Variants in SPRY4 observed in about 807,000 individuals in gnomAD.
SPRY4 encodes the protein sprouty RTK signaling antagonist 4.
In SPRY4, 7 loss-of-function variants were observed where a neutral mutation model predicts 17.0. The observed-to-expected ratio is 0.41, with a 90% CI of 0.23 to 0.77. The LOEUF is 0.77. SPRY4 is among the 30% of genes least tolerant of loss of function. The probability of loss-of-function intolerance (pLI) is 0.32; values close to 1 mark genes in which losing one functional copy is unlikely to be tolerated. For synonymous variants in SPRY4, 183 were observed against 174.1 expected (o/e 1.05, Z -0.40); for missense variants, 435 against 419.9 (o/e 1.04, Z -0.31).
chr5:142,310,488 TCA>T lies in SPRY4; in HGVS notation c.*3719_*3720del, dbSNP rs1355207028. 11 of 152,544 alleles carry T rather than the reference TCA, an allele frequency of 7.2e-5. No homozygotes were observed. Among genetic ancestry groups the T allele is most frequent in the East Asian group, 3.8e-4 (2 of 5,200 alleles). 9.4% of individuals were successfully genotyped at this position (152,544 alleles called of 1,614,324 possible). ...ATATATATTTTCTAAATCAGTACAT[TCA>T]GTTTTTAACTTGTTTTTTTCTTCAC... On this transcript the variant is annotated 3_prime_UTR_variant, in exon 2 of 2. Coordinates refer to ENST00000434127, the MANE Select transcript of SPRY4 (RefSeq NM_001127496.3).
Position 142,314,343 on chromosome 5 carries a change from C to T in SPRY4, c.766G>A (p.Gly256Ser), listed in dbSNP as rs749933707. The T allele has an allele frequency of 9.9e-6, 16 of 1,614,024 alleles. No individual in the cohort carries two copies. Among genetic ancestry groups the T allele is most frequent in the South Asian group, 4.4e-5 (4 of 91,070 alleles). The stretch of plus-strand genomic sequence containing the variant: ...CCACGCTGGGCCAGCTTCACGCAGC[C>T]GGTGGCAGGCAGGTAGCAGAGCAGG... Reference protein sequence around the residue: ...PCLLCYLPATGCVKLAQRGYD... With the variant: ...PCLLCYLPATSCVKLAQRGYD... The change falls in exon 2 of 2, where the codon GGC (glycine) becomes AGC (serine). Residue 256 changes from glycine (G) to serine (S), a missense_variant. Gly to Ser is a moderately conservative substitution (Grantham distance 56). Transcript: ENST00000434127. This position sits in a 1 kb window ranked among gnomAD's most constrained non-coding sequence, Gnocchi z 4.8.
chr5:142,317,610 G>A (rs904938159), intron 1 of SPRY4: 87 of 984,312 alleles, frequency 8.8e-5, no homozygotes, highest in Middle Eastern at 1.0e-3. Context: ...CTTTCCTTAA[G>A]CAGATTCACT....
chr5:142,318,710 T>G (rs375893177), intron 1 of SPRY4, among the ~76,000 whole-genome samples: 4 of 152,066 alleles, frequency 2.6e-5, no homozygotes, highest in African/African-American at 7.2e-5. Flanking sequence ...TGGAAGAGAC[T>G]GATGGCCAAT....
At position 142,313,146 on chromosome 5, in the gene SPRY4, A is replaced by T. The variant is rs1323894361; in HGVS notation, c.*1063T>A. The T allele has an allele frequency of 6.6e-6, 1 of 152,594 alleles. No homozygotes were observed. The highest frequency in any genetic ancestry group is 2.4e-5 in the African/African-American group (1 of 41,446). The allele number at this position is 152,594 out of a possible 1,614,324, so 9.5% of individuals were successfully genotyped here. A position where few individuals can be genotyped will look rare whatever the true frequency, so the allele number is the denominator to read the frequency against. The stretch of plus-strand genomic sequence containing the variant: ...TTGCTGTTAAAATCCTCTTGTTGAT[A>T]GGGAGGGAAATTGTGTTCCTTGAGG... On this transcript the variant is annotated 3_prime_UTR_variant, in exon 2 of 2. Transcript: ENST00000434127.
chr5:142,310,896 T>C lies in SPRY4; in HGVS notation c.*3313A>G, dbSNP rs1758882353. On this transcript the variant is annotated 3_prime_UTR_variant, in exon 2 of 2. Transcript: ENST00000434127. ...CAGGATGCCCTAGTGAATCGTACAG[T>C]GTAGAGCTGTGCTGCCCACGCCCGC... is the stretch of plus-strand genomic sequence containing the variant. 1 of 151,902 alleles carries C rather than the reference T, an allele frequency of 6.6e-6. No individual in the cohort carries two copies. The highest frequency in any genetic ancestry group is 1.5e-5 in the Non-Finnish European group (1 of 67,990). The allele number at this position is 151,902 out of a possible 1,614,324, so 9.4% of individuals were successfully genotyped here. A position where few individuals can be genotyped will look rare whatever the true frequency, so the allele number is the denominator to read the frequency against.
intron 1 of SPRY4, chr5:142,317,961 T>C: frequency 1.0e-6 from 1 of 985,310 alleles, no homozygotes; most frequent in Non-Finnish European, 1.2e-6. Context: ...TATTCTAAAA[T>C]GTATCTTCCC....
rs397882276 is a variant in SPRY4, at chr5:142,323,040, TAAAAA to T, written c.-48+1799_-48+1803del. 5.9e-5 allele frequency among the ~76,000 whole-genome samples: 7 copies of T among 119,518 alleles called. No individual in the cohort carries two copies. In the South Asian group the frequency reaches 1.6e-3, roughly 27 times the overall value. 78.4% of individuals were successfully genotyped at this position (119,518 alleles called of 152,430 possible). A position where few individuals can be genotyped will look rare whatever the true frequency, so the allele number is the denominator to read the frequency against. On this transcript the variant is annotated intron_variant, in intron 1 of 1. Transcript: ENST00000434127. ...CTCCTAGCTCTCCTGACACCCGCCC[TAAAAA>T]AAAAAAAAAAAAGGCTGAAAATTTC...
At chr5:142,318,957 T>A (rs945473111) in intron 1 of SPRY4, among the ~76,000 whole-genome samples, 1 of 152,176 alleles carries the variant, frequency 6.6e-6, no homozygotes, top group African/African-American at 2.4e-5. Context: ...ATAAATCAAG[T>A]CATTTAATCC....
rs1379053078 is a variant in SPRY4 at position 142,310,993 on chromosome 5, A to G, written c.*3216T>C. On this transcript the variant is annotated 3_prime_UTR_variant, in exon 2 of 2. Transcript: ENST00000434127. ...GTGACAGTCATCCGGGTTCTGGTGC[A>G]GATCAACTTTCCACGTGTGCCATCT... The G allele has an allele frequency of 6.6e-6, 1 of 152,286 alleles. No homozygotes were observed. The highest frequency in any genetic ancestry group is 2.4e-5 in the African/African-American group (1 of 41,446). The allele number at this position is 152,286 out of a possible 1,614,324, so 9.4% of individuals were successfully genotyped here. A position where few individuals can be genotyped will look rare whatever the true frequency, so the allele number is the denominator to read the frequency against.
intron 1 of SPRY4, chr5:142,318,250 C>A: frequency 2.2e-6 from 2 of 893,968 alleles, no homozygotes; most frequent in Non-Finnish European, 2.7e-6. Flanking sequence ...TTTGGGAGGC[C>A]AAGGTAGGCA....
intron 1 of SPRY4, among the ~76,000 whole-genome samples, chr5:142,322,033 C>T (rs73292481): frequency 4.0e-5 from 6 of 151,708 alleles, no homozygotes; most frequent in Non-Finnish European, 8.8e-5. Context: ...AAATTTGGCA[C>T]TGAAAGGCTG....
In SPRY4 at chr5:142,314,644, G is replaced by C. The variant is rs1759071168; in HGVS notation, c.465C>G (p.His155Gln). Residue 155 changes from histidine to glutamine, a missense_variant, in exon 2 of 2, where the codon CAC (histidine) becomes CAG (glutamine). Coordinates refer to ENST00000434127, the MANE Select transcript of SPRY4 (RefSeq NM_001127496.3). The surrounding 1 kb of genome is among the most constrained non-coding windows in gnomAD (Gnocchi z 4.8). ...TCCCACAGGCCTCGCACAGCAAGAA[G>C]TGCTTGTCCAGCTCGGGTGGGACCG... ...GPAVPPELDKHFLLCEACGKC... is the reference protein window; with the variant it reads ...GPAVPPELDKQFLLCEACGKC... 1 of 1,614,118 alleles carries C rather than the reference G, an allele frequency of 6.2e-7. No homozygotes were observed. The highest frequency in any genetic ancestry group is 8.5e-7 in the Non-Finnish European group (1 of 1,180,052).
At chr5:142,322,034 T>C (rs1349860946) in intron 1 of SPRY4, among the ~76,000 whole-genome samples, 1 of 151,622 alleles carries the variant, frequency 6.6e-6, no homozygotes, top group Non-Finnish European at 1.5e-5. Context: ...AATTTGGCAC[T>C]GAAAGGCTGC....
chr5:142,319,304 T>C (rs1381349966), intron 1 of SPRY4, among the ~76,000 whole-genome samples: 1 of 152,154 alleles, frequency 6.6e-6, no homozygotes, highest in Non-Finnish European at 1.5e-5. Context: ...GAATTTTCAA[T>C]GTGGAGAGTG....
chr5:142,323,446 C>G (rs1759419050), intron 1 of SPRY4, among the ~76,000 whole-genome samples: 1 of 152,236 alleles, frequency 6.6e-6, no homozygotes. Flanking sequence ...CAGCACTAAC[C>G]GCGCTGGGGG....
intron 1 of SPRY4, 88 bp from the exon 2 acceptor site, chr5:142,315,243 TG>T: frequency 1.2e-6 from 1 of 834,802 alleles, no homozygotes. Flanking sequence ...ATCAGGTCCT[TG>T]GGAGCCGCCC....
At chr5:142,317,330 A>C (rs1241501912) in intron 1 of SPRY4, 1 of 985,362 alleles carries the variant, frequency 1.0e-6, no homozygotes, top group Non-Finnish European at 1.2e-6. Flanking sequence ...AAGGTCCAGC[A>C]CTGAGGACGC....
At chr5:142,322,802 T>C (rs1412442611) in intron 1 of SPRY4, among the ~76,000 whole-genome samples, 1 of 152,194 alleles carries the variant, frequency 6.6e-6, no homozygotes, top group Admixed American at 6.5e-5. Context: ...ATCCCCACCC[T>C]ACACCCGTAC....
At chr5:142,317,975 T>A in intron 1 of SPRY4, 3 of 985,288 alleles carry the variant, frequency 3.0e-6, no homozygotes, top group Non-Finnish European at 3.6e-6. Context: ...TCTTCCCTAT[T>A]ATAACCCCGA....
Sources: gnomAD v4.1 joint callset for allele counts (sites outside exome capture counted in the v4.1 genomes callset) on GRCh38, gnomAD v4.1.1 for gene constraint, Gnocchi (gnomAD v3.1) non-coding constraint, MANE v1.5 for transcripts, NCBI Gene and HGNC (gene_info 2026-07-23, HGNC 2026-07-21) for gene names.